IRAG1: variants seen among roughly 807,000 people sequenced by gnomAD.
IRAG1 encodes inositol 1,4,5-triphosphate receptor associated 1.
IRAG1 carries 62 observed loss-of-function variants against 106.2 expected under a neutral mutation model. The ratio of observed to expected loss-of-function variants is 0.58; its 90% confidence interval spans 0.48 to 0.72. The LOEUF is 0.72. IRAG1 is among the 30% of genes least tolerant of loss of function. The pLI, the probability that IRAG1 is intolerant of heterozygous loss-of-function variation, is 0.00. For missense variants in IRAG1, 1,064 were observed against 1,140.7 expected (o/e 0.93, Z 0.97); for synonymous variants, 462 against 443.9 (o/e 1.04, Z -0.51).
rs1856461899 is a variant in IRAG1 at position 10,628,708 on chromosome 11, A to G, written c.652+43T>C. 2 of 1,451,812 alleles carry G rather than the reference A, an allele frequency of 1.4e-6. No homozygotes were observed. The highest frequency in any genetic ancestry group is 1.5e-5 in the African/African-American group (1 of 68,022). 89.9% of individuals were successfully genotyped at this position (1,451,812 alleles called of 1,614,324 possible). A position where few individuals can be genotyped will look rare whatever the true frequency, so the allele number is the denominator to read the frequency against. ...CTGTCCAGGCTGAGCTGCCACCCAG[A>G]GCGAGAGGCAGGGCAGGAAGTCCCC... On this transcript the variant is annotated intron_variant, in intron 6 of 20. Transcript: ENST00000423302. The surrounding 1 kb of genome is among the most constrained non-coding windows in gnomAD (Gnocchi z 4.1).
Position 10,634,075 on chromosome 11 carries a change from C to T in IRAG1, c.226-4G>A, listed in dbSNP as rs745919853. On this transcript the variant is annotated splice_region_variant and splice_polypyrimidine_tract_variant and intron_variant, in intron 2 of 20. Coordinates refer to ENST00000423302, the MANE Select transcript of IRAG1 (RefSeq NM_130385.4). ...ATACTCCTGCGGCAGGAGGACCCTG[C>T]CGGTTTAGAACAAAAACACAGAGTT... The T allele has an allele frequency of 6.3e-7, 1 of 1,591,310 alleles. No homozygotes were observed. Among genetic ancestry groups the T allele is most frequent in the South Asian group, 1.1e-5 (1 of 88,314 alleles).
At chr11:10,668,269 T>A (rs1270645853) in intron 1 of IRAG1, among the ~76,000 whole-genome samples, 2 of 152,258 alleles carry the variant, frequency 1.3e-5, no homozygotes, top group East Asian at 3.8e-4. Context: ...ACTTTGGCTG[T>A]TGACTTTCAA....
intron 10 of IRAG1, among the ~76,000 whole-genome samples, chr11:10,614,877 T>G (rs1253934056): frequency 6.6e-6 from 1 of 152,214 alleles, no homozygotes; most frequent in Non-Finnish European, 1.5e-5. Context: ...GACATAGGCA[T>G]GGGCAAGGAC....
intron 2 of IRAG1, among the ~76,000 whole-genome samples, chr11:10,649,064 C>G (rs974524771): frequency 6.6e-6 from 1 of 152,188 alleles, no homozygotes; most frequent in African/African-American, 2.4e-5. Context: ...CCTGGCCAAC[C>G]CCGCTTCCTT....
At position 10,665,930 on chromosome 11, in the gene IRAG1, T is replaced by C. The variant is rs535174996; in HGVS notation, c.68-13748A>G. On this transcript the variant is annotated intron_variant, in intron 1 of 20. Transcript: ENST00000423302. This position sits in a 1 kb window ranked among gnomAD's most constrained non-coding sequence, Gnocchi z 4.2. ...TCTTTAGACCCAAGTTGAGAACAGGTTATGGTGAACAGTGATATGCAATGG... is the reference window on the plus strand; with the variant it reads ...TCTTTAGACCCAAGTTGAGAACAGGCTATGGTGAACAGTGATATGCAATGG... Among the ~76,000 whole-genome samples, 70 of 152,212 alleles carry C rather than the reference T, an allele frequency of 4.6e-4. No individual in the cohort carries two copies. The highest frequency in any genetic ancestry group is 1.6e-3 in the African/African-American group (67 of 41,508).
intron 10 of IRAG1, among the ~76,000 whole-genome samples, chr11:10,610,401 A>G (rs950544382): frequency 1.3e-5 from 2 of 152,260 alleles, no homozygotes; most frequent in Non-Finnish European, 2.9e-5. Context: ...AATGCCTCCT[A>G]GTCAACAGAG....
Position 10,573,858 on chromosome 11 carries a change from A to G in IRAG1, c.*2474T>C, listed in dbSNP as rs1191779305. On this transcript the variant is annotated 3_prime_UTR_variant, in exon 21 of 21. Coordinates refer to ENST00000423302, the MANE Select transcript of IRAG1 (RefSeq NM_130385.4). ...TTCCACGGCCACTCTCTAGAACTCT[A>G]TTTGCATCCTGTCTTTGGCTCTGAG... is the stretch of plus-strand genomic sequence containing the variant. 3.3e-5 allele frequency: 5 copies of G among 152,180 alleles called. No homozygotes were observed. The highest frequency in any genetic ancestry group is 7.3e-5 in the Non-Finnish European group (5 of 68,064). The allele number at this position is 152,180 out of a possible 1,614,324, so 9.4% of individuals were successfully genotyped here. A position where few individuals can be genotyped will look rare whatever the true frequency, so the allele number is the denominator to read the frequency against.
chr11:10,684,598 A>G (rs1275463382), intron 1 of IRAG1, among the ~76,000 whole-genome samples: 1 of 127,106 alleles, frequency 7.9e-6, no homozygotes, highest in Non-Finnish European at 1.6e-5. Context: ...CCTAAAACTT[A>G]AAGTATAATA....
At chr11:10,655,958 G>A (rs1055207606) in intron 1 of IRAG1, among the ~76,000 whole-genome samples, 2 of 152,148 alleles carry the variant, frequency 1.3e-5, no homozygotes, top group Non-Finnish European at 2.9e-5. Flanking sequence ...CCTGCCTGCA[G>A]GGGCCATTCC....
rs7111477 is a variant in IRAG1, at chr11:10,574,864, G to A, written c.*1468C>T. 20,423 of 152,132 alleles carry A rather than the reference G, an allele frequency of 0.13. 1,411 individuals carry two copies. The highest frequency in any genetic ancestry group is 0.22 in the Middle Eastern group (63 of 292). The allele number at this position is 152,132 out of a possible 1,614,324, so 9.4% of individuals were successfully genotyped here. A position where few individuals can be genotyped will look rare whatever the true frequency, so the allele number is the denominator to read the frequency against. ...AGCTCCAGCCCCATGATTTACTACC[G>A]GGGTGTCCTTGTCAAGTTACTTGTT... On this transcript the variant is annotated 3_prime_UTR_variant, in exon 21 of 21. Coordinates refer to ENST00000423302, the MANE Select transcript of IRAG1 (RefSeq NM_130385.4).
At chr11:10,593,634 G>T in intron 16 of IRAG1, 35 bp from the exon 17 acceptor site, 1 of 1,509,046 alleles carries the variant, frequency 6.6e-7, no homozygotes. Context: ...TCACTGTCTT[G>T]GAGGTAGCAA....
At chr11:10,661,760 G>A (rs1859422672) in intron 1 of IRAG1, among the ~76,000 whole-genome samples, 1 of 152,104 alleles carries the variant, frequency 6.6e-6, no homozygotes. Flanking sequence ...GTTAATCCAG[G>A]GTAATCTCCA....
intron 10 of IRAG1, among the ~76,000 whole-genome samples, chr11:10,621,677 C>T (rs12576547): frequency 0.33 from 50,476 of 152,112 alleles, 10,244 homozygotes; most frequent in East Asian, 0.69. Context: ...ACTATAAGAG[C>T]AAGAATCCCT....
At chr11:10,597,946 T>G (rs1471534337) in intron 15 of IRAG1, among the ~76,000 whole-genome samples, 1 of 152,232 alleles carries the variant, frequency 6.6e-6, no homozygotes, top group Non-Finnish European at 1.5e-5. Flanking sequence ...CTCTGCATAT[T>G]GCATCATCAC....
chr11:10,592,360 T>C (rs1186398360), intron 17 of IRAG1, among the ~76,000 whole-genome samples: 1 of 152,224 alleles, frequency 6.6e-6, no homozygotes, highest in East Asian at 1.9e-4. Context: ...GTATGGGAAA[T>C]AGATCTGTTA....
chr11:10,626,736 GA>G (rs2134573921), intron 8 of IRAG1, among the ~76,000 whole-genome samples, 153 bp from the exon 9 acceptor site: 1 of 152,348 alleles, frequency 6.6e-6, no homozygotes, highest in South Asian at 2.1e-4. Flanking sequence ...GATGTGGAAG[GA>G]GAGGGCTTCT....
rs767330186 is a variant in IRAG1, at chr11:10,634,034, G to A, written c.263C>T (p.Pro88Leu). The change falls in exon 3 of 21, where the codon CCC (proline) becomes CTC (leucine). Residue 88 changes from proline (P) to leucine (L), a missense_variant. By Grantham distance (98) the Pro-to-Leu change is moderately conservative. Transcript: ENST00000423302. The stretch of plus-strand genomic sequence containing the variant: ...GGCATCCCCAGTCAGGACAATCGTG[G>A]GAGTTGGACTGCAAGATACTCCTGC... The part of the protein sequence containing the change: ...PAAGVSCSPT[P>L]TIVLTGDATS... 1.6e-5 allele frequency: 26 copies of A among 1,612,624 alleles called. No individual in the cohort carries two copies. Among genetic ancestry groups the A allele is most frequent in the South Asian group, 7.7e-5 (7 of 90,730 alleles).
intron 2 of IRAG1, among the ~76,000 whole-genome samples, chr11:10,650,680 T>G (rs535772215): frequency 6.6e-6 from 1 of 152,290 alleles, no homozygotes; most frequent in Admixed American, 6.5e-5. Context: ...TTTTGGAACT[T>G]GGCACCCTCA....
rs7940646 is a variant in IRAG1, at chr11:10,647,681, T to C, written c.225+4344A>G. The stretch of plus-strand genomic sequence containing the variant: ...GCACTTCAGAGGATGCTGCACTGTC[T>C]GGGTGAGTCAGCTTCCTACTGTGGC... On this transcript the variant is annotated intron_variant, in intron 2 of 20. Transcript: ENST00000423302. The surrounding 1 kb of genome is among the most constrained non-coding windows in gnomAD (Gnocchi z 4.3). Among the ~76,000 whole-genome samples, 118,700 of 152,122 alleles carry C rather than the reference T, an allele frequency of 0.78. 47,527 individuals are homozygous for C. The highest frequency in any genetic ancestry group is 0.98 in the East Asian group (5,061 of 5,158).
Sources: allele counts gnomAD v4.1 joint callset (sites outside exome capture counted in the v4.1 genomes callset), GRCh38; gene constraint gnomAD v4.1.1; non-coding constraint Gnocchi (gnomAD v3.1); transcripts MANE v1.5; gene names NCBI Gene and HGNC (gene_info 2026-07-23, HGNC 2026-07-21).